CILP: variants seen among roughly 807,000 people sequenced by gnomAD.
CILP encodes cartilage intermediate layer protein, also known as cartilage intermediate layer protein 1.
A neutral mutation model predicts 82.5 loss-of-function variants in CILP; 75 were observed. The ratio of observed to expected loss-of-function variants is 0.91; its 90% CI spans 0.75 to 1.10. The LOEUF is 1.10. Ranked by LOEUF, CILP falls within the 50% of genes least tolerant of loss-of-function variation. The pLI, the probability that CILP is intolerant of heterozygous loss-of-function variation, is 0.00. For synonymous variants in CILP, 530 were observed against 580.3 expected (o/e 0.91, Z 1.25); for missense variants, 1,479 against 1,530.8 (o/e 0.97, Z 0.56).
intron 8 of CILP, among the ~76,000 whole-genome samples, chr15:65,201,479 A>G (rs1467017661): frequency 6.6e-6 from 1 of 151,966 alleles, no homozygotes; most frequent in Non-Finnish European, 1.5e-5. Flanking sequence ...CATGCATGTA[A>G]TCCCAGCACT....
At position 65,206,805 on chromosome 15, in the gene CILP, G is replaced by A. The variant is rs1555416462; in HGVS notation, c.401C>T (p.Thr134Ile). The A allele has an allele frequency of 6.2e-7, 1 of 1,613,490 alleles. No individual in the cohort carries two copies. Among genetic ancestry groups the A allele is most frequent in the Non-Finnish European group, 8.5e-7 (1 of 1,179,724 alleles). Residue 134 changes from threonine (T) to isoleucine (I), a missense_variant, in exon 4 of 9, where the codon ACC (threonine) becomes ATC (isoleucine). By Grantham distance (89) the Thr-to-Ile change is moderately conservative. Transcript: ENST00000261883. The part of the protein sequence containing the change: ...QRPGQNCSNY[T>I]VRFLCPPGSL... ...ACCTGGTGGGCAGAGGAAGCGTACG[G>A]TGTAATTAGAGCAGTTCTGGCCAGG...
rs753398447 is a variant in CILP at position 65,199,009 on chromosome 15, TAGA to T, written c.1274_1276del (p.Phe425del). 3.1e-6 allele frequency: 5 copies of T among 1,609,956 alleles called. 1 individual carries two copies. Among genetic ancestry groups the T allele is most frequent in the African/African-American group, 2.7e-5 (2 of 75,050 alleles). On this transcript the variant is annotated inframe_deletion, in exon 9 of 9. Transcript: ENST00000261883. ...AACAGGGCAGCGTCCCACGTCATAGTAGAAGGAGTTGGTGGCATTCTGAAAGCA... is the reference window on the plus strand; with the variant it reads ...AACAGGGCAGCGTCCCACGTCATAGTAGGAGTTGGTGGCATTCTGAAAGCA...
Position 65,197,052 on chromosome 15 carries a change from A to G in CILP, c.3234T>C (p.Thr1078=), listed in dbSNP as rs148504644. The G allele has an allele frequency of 5.5e-5, 88 of 1,614,072 alleles. 1 individual carries two copies. The highest frequency in any genetic ancestry group is 7.2e-5 in the Non-Finnish European group (85 of 1,180,052). Residue 1078 remains threonine (T), a synonymous_variant, in exon 9 of 9, where the codon ACT becomes ACC. Transcript: ENST00000261883. ...DPLGHNYGIY[T]VTDQDPRTAK... ...CCGTGCGAGGGTCCTGGTCAGTGAC[A>G]GTGTAGATGCCATAGTTGTGGCCCA...
At chr15:65,202,584 C>T (rs943148278) in intron 7 of CILP, among the ~76,000 whole-genome samples, 2 of 151,828 alleles carry the variant, frequency 1.3e-5, no homozygotes, top group Non-Finnish European at 2.9e-5. Context: ...TGCACCACCA[C>T]GCCCAGCTAA....
At chr15:65,209,628 C>T (rs1027525748) in intron 2 of CILP, 67 bp downstream of exon 2, 31 of 1,515,700 alleles carry the variant, frequency 2.0e-5, no homozygotes, top group Non-Finnish European at 2.8e-5. Context: ...TAGTTCAGTC[C>T]CAGACCAGAC....
At position 65,205,312 on chromosome 15, in the gene CILP, C is replaced by T. The variant is rs1405979286; in HGVS notation, c.579G>A (p.Gln193=). 5 of 1,613,930 alleles carry T rather than the reference C, an allele frequency of 3.1e-6. No individual in the cohort carries two copies. The highest frequency in any genetic ancestry group is 3.4e-6 in the Non-Finnish European group (4 of 1,179,944). The change falls in exon 5 of 9, where the codon CAG becomes CAA. Residue 193 remains glutamine, a synonymous_variant. Transcript: ENST00000261883. Reference sequence around the variant, plus strand: ...CTGTACAGTCCTGGCCCATGCAGTGCTGACCCTCTTCGCTGGCCTCACTGC... The same window carrying T: ...CTGTACAGTCCTGGCCCATGCAGTGTTGACCCTCTTCGCTGGCCTCACTGC... The part of the protein sequence containing the change: ...SLCSEASEEG[Q]HCMGQDCTAC...
chr15:65,200,838 G>C (rs1211631875), intron 8 of CILP, among the ~76,000 whole-genome samples: 2 of 152,320 alleles, frequency 1.3e-5, no homozygotes, highest in East Asian at 3.9e-4. Context: ...AACCCAGTCA[G>C]GTCATACCAA....
chr15:65,198,733 C>G lies in CILP; in HGVS notation c.1553G>C (p.Ser518Thr). The G allele has an allele frequency of 6.2e-7, 1 of 1,614,186 alleles. No homozygotes were observed. Among genetic ancestry groups the G allele is most frequent in the Non-Finnish European group, 8.5e-7 (1 of 1,180,030 alleles). Reference sequence around the variant, plus strand: ...GAAAGTGCCCTTGTAGCCAGTCATGCTTACACGGCTGTTCCCCATGTACAC... The same window carrying G: ...GAAAGTGCCCTTGTAGCCAGTCATGGTTACACGGCTGTTCCCCATGTACAC... ...GHVYMGNSRV[S>T]MTGYKGTFTL... is the part of the protein sequence containing the mutation. Residue 518 changes from serine (S) to threonine (T), a missense_variant, in exon 9 of 9, where the codon AGC becomes ACC. By Grantham distance (58) the Ser-to-Thr change is moderately conservative (BLOSUM62 1). Transcript: ENST00000261883.
rs762106568 is a variant in CILP at position 65,203,348 on chromosome 15, A to G, written c.1028+14T>C. 1.3e-6 allele frequency: 2 copies of G among 1,587,308 alleles called. No homozygotes were observed. The highest frequency in any genetic ancestry group is 1.7e-5 in the Admixed American group (1 of 59,914). On this transcript the variant is annotated intron_variant, in intron 7 of 8. Transcript: ENST00000261883. ...AGGAGGAGAATTGGGCAGGGTAGCT[A>G]GCAGAATACGCACCAAAAATACTTG...
rs540586438 is a variant in CILP at position 65,196,554 on chromosome 15, T to G, written c.*177A>C. ...TCACAAAGGGGCTTTATTGTGCCAT[T>G]GTGGGGGCCACGTGCCAATCAGTAG... On this transcript the variant is annotated 3_prime_UTR_variant, in exon 9 of 9. Transcript: ENST00000261883. 1.9e-6 allele frequency: 1 copy of G among 513,198 alleles called. No homozygotes were observed. The highest frequency in any genetic ancestry group is 1.9e-5 in the African/African-American group (1 of 51,960). The allele number at this position is 513,198 out of a possible 1,614,324, so 31.8% of individuals were successfully genotyped here. A position where few individuals can be genotyped will look rare whatever the true frequency, so the allele number is the denominator to read the frequency against.
At position 65,209,956 on chromosome 15, in the gene CILP, T is replaced by C. The variant is rs2088566780; in HGVS notation, c.-106-95A>G. 3 of 560,352 alleles carry C rather than the reference T, an allele frequency of 5.4e-6. No individual in the cohort carries two copies. The East Asian group carries it at 9.1e-5, about 17-fold the overall frequency. The allele number at this position is 560,352 out of a possible 1,614,324, so 34.7% of individuals were successfully genotyped here. On this transcript the variant is annotated intron_variant, in intron 1 of 8. Coordinates refer to ENST00000261883, the MANE Select transcript of CILP (RefSeq NM_003613.4). ...TCTTGACCTGTCAAGGAGGGAAAGG[T>C]GGACAGAATGATATGAAAGTGATAT...
chr15:65,203,974 C>A (rs2088488767), intron 6 of CILP, among the ~76,000 whole-genome samples: 1 of 152,228 alleles, frequency 6.6e-6, no homozygotes, highest in African/African-American at 2.4e-5. Context: ...GAAGAACATT[C>A]TAAACAGAAT....
rs1346910011 is a variant in CILP at position 65,203,475 on chromosome 15, G to A, written c.920-5C>T. On this transcript the variant is annotated splice_region_variant and splice_polypyrimidine_tract_variant and intron_variant, in intron 6 of 8. Transcript: ENST00000261883. ...TCATCACCATGTATGGAGTCTCTGG[G>A]ACAGAAAATGAGAAATAGCATTTTG... The A allele has an allele frequency of 1.2e-6, 2 of 1,606,820 alleles. No homozygotes were observed. The highest frequency in any genetic ancestry group is 2.7e-5 in the African/African-American group (2 of 74,740).
intron 8 of CILP, 66 bp from the exon 9 acceptor site, chr15:65,199,165 C>G (rs2088420983): frequency 9.0e-6 from 10 of 1,105,908 alleles, no homozygotes; most frequent in Non-Finnish European, 1.2e-5. Context: ...GTACCTCAAC[C>G]TCACCTCTCT....
At chr15:65,206,332 C>T (rs1194237932) in intron 4 of CILP, among the ~76,000 whole-genome samples, 4 of 152,150 alleles carry the variant, frequency 2.6e-5, no homozygotes, top group Non-Finnish European at 5.9e-5. Context: ...TAAGCCTCTG[C>T]ATTCATATCA....
At position 65,198,335 on chromosome 15, in the gene CILP, T is replaced by G; in HGVS notation, c.1951A>C (p.Thr651Pro). The change falls in exon 9 of 9, where the codon ACT becomes CCT. Residue 651 changes from threonine (T) to proline (P), a missense_variant. By Grantham distance (38) the Thr-to-Pro change is conservative (BLOSUM62 -1). Transcript: ENST00000261883. ...ATGCCATACGTCCGAAGGGGGAAAG[T>G]GTCTCCTTCGTCATTGATGAAGTTC... Reference protein sequence around the residue: ...DLNFINDEGDTFPLRTYGMFS... With the variant: ...DLNFINDEGDPFPLRTYGMFS... 1 of 1,614,182 alleles carries G rather than the reference T, an allele frequency of 6.2e-7. No homozygotes were observed.
At position 65,196,134 on chromosome 15, in the gene CILP, G is replaced by C. The variant is rs1000037823; in HGVS notation, c.*597C>G. On this transcript the variant is annotated 3_prime_UTR_variant, in exon 9 of 9. Coordinates refer to ENST00000261883, the MANE Select transcript of CILP (RefSeq NM_003613.4). ...AACCTGGTGTAATTGTGGATACCAG[G>C]AGATGTTCTTTCCAGACTTGGTAGA... 3.9e-5 allele frequency: 6 copies of C among 152,250 alleles called. No homozygotes were observed. The highest frequency in any genetic ancestry group is 4.8e-5 in the African/African-American group (2 of 41,468). 9.4% of individuals were successfully genotyped at this position (152,250 alleles called of 1,614,324 possible). A position where few individuals can be genotyped will look rare whatever the true frequency, so the allele number is the denominator to read the frequency against.
rs184836378 is a variant in CILP, at chr15:65,204,354, G to A, written c.833C>T (p.Thr278Ile). ...CPDGKSILKI[T>I]KVKFAPIVLT... is the part of the protein sequence containing the mutation. ...TACAATGGGGGCAAACTTGACCTTT[G>A]TGATCTTCAGGATGCTTTTGCCATC... The change falls in exon 6 of 9, where the codon ACA (threonine) becomes ATA (isoleucine). Residue 278 changes from threonine (T) to isoleucine (I), a missense_variant. Coordinates refer to ENST00000261883, the MANE Select transcript of CILP (RefSeq NM_003613.4). The A allele has an allele frequency of 3.1e-6, 5 of 1,614,208 alleles. No homozygotes were observed. In the African/African-American group the frequency reaches 6.7e-5, roughly 22 times the overall value.
chr15:65,206,798 G>T lies in CILP; in HGVS notation c.408C>A (p.Arg136=), dbSNP rs138881113. 55 of 1,611,982 alleles carry T rather than the reference G, an allele frequency of 3.4e-5. No homozygotes were observed. The African/African-American group carries it at 4.8e-4, about 14-fold the overall frequency. The change falls in exon 4 of 9, where the codon CGC becomes CGA. Residue 136 remains arginine (R), a synonymous_variant. Coordinates refer to ENST00000261883, the MANE Select transcript of CILP (RefSeq NM_003613.4). The part of the protein sequence containing the change: ...PGQNCSNYTV[R]FLCPPGSLRR... ...CTGGCTTACCTGGTGGGCAGAGGAA[G>T]CGTACGGTGTAATTAGAGCAGTTCT...
Sources: gnomAD v4.1 joint callset for allele counts (sites outside exome capture counted in the v4.1 genomes callset) on GRCh38, gnomAD v4.1.1 for gene constraint, MANE v1.5 for transcripts, NCBI Gene and HGNC (gene_info 2026-07-23, HGNC 2026-07-21) for gene names.